Variants in ANKS1A observed in about 807,000 individuals in gnomAD.
The protein encoded by ANKS1A is ankyrin repeat and SAM domain-containing protein 1A.
In ANKS1A, 55 loss-of-function variants were observed where a neutral mutation model predicts 120.3. The observed-to-expected ratio is 0.46, with a 90% CI of 0.37 to 0.57. The LOEUF is 0.57. Among genes scored for constraint, ANKS1A ranks in the 20% least tolerant of loss-of-function variants. The pLI is 0.00. For missense variants in ANKS1A, 1,123 were observed against 1,480.3 expected (o/e 0.76, Z 3.96); for synonymous variants, 590 against 604.7 (o/e 0.98, Z 0.36).
intron 1 of ANKS1A, among the ~76,000 whole-genome samples, chr6:34,937,097 AGAG>A: frequency 6.6e-6 from 1 of 152,182 alleles, no homozygotes; most frequent in East Asian, 1.9e-4. Flanking sequence ...AGGGGAATTC[AGAG>A]GAGAGAAGAT....
chr6:34,970,154 A>G lies in ANKS1A; in HGVS notation c.423A>G (p.Arg141=), dbSNP rs549764196. Residue 141 remains arginine, a synonymous_variant, in exon 3 of 24, where the codon AGA becomes AGG. Coordinates refer to ENST00000360359, the MANE Select transcript of ANKS1A (RefSeq NM_015245.3). ...TCCATCAAGGGCCTTCACACACCAG[A>G]GTCAATGAACAGGTCGGAAGGAAGG... ...LLIHQGPSHT[R]VNEQNNDNET... 6.2e-7 allele frequency: 1 copy of G among 1,613,670 alleles called. No homozygotes were observed. Among genetic ancestry groups the G allele is most frequent in the Admixed American group, 1.7e-5 (1 of 59,974 alleles).
At chr6:35,079,710 T>C (rs1406135720) in intron 15 of ANKS1A, 42 bp downstream of exon 15, 2 of 1,613,518 alleles carry the variant, frequency 1.2e-6, no homozygotes, top group Admixed American at 1.7e-5. Flanking sequence ...TCTCCAGAAG[T>C]CTGAGCTTCC....
At chr6:34,951,785 A>G (rs1770104526) in intron 1 of ANKS1A, among the ~76,000 whole-genome samples, 1 of 152,210 alleles carries the variant, frequency 6.6e-6, no homozygotes, top group African/African-American at 2.4e-5. Flanking sequence ...AGACTTTGTC[A>G]GCTAATTGGA....
intron 1 of ANKS1A, among the ~76,000 whole-genome samples, chr6:34,946,181 G>A (rs1424550853): frequency 6.6e-6 from 1 of 151,778 alleles, no homozygotes; most frequent in East Asian, 2.0e-4. Context: ...GGGTTTCACT[G>A]TGTTGGCTGG....
At chr6:35,006,314 CAA>C (rs568475979) in intron 10 of ANKS1A, among the ~76,000 whole-genome samples, 5 of 115,134 alleles carry the variant, frequency 4.3e-5, no homozygotes, top group Admixed American at 8.8e-5. Flanking sequence ...GGCTCTGTCT[CAA>C]AAAAAAAAAA....
chr6:35,081,751 A>G (rs1237875972), intron 17 of ANKS1A, among the ~76,000 whole-genome samples: 1 of 152,144 alleles, frequency 6.6e-6, no homozygotes, highest in African/African-American at 2.4e-5. Flanking sequence ...GGCCCGTCTC[A>G]CACTCCTGGC....
intron 1 of ANKS1A, among the ~76,000 whole-genome samples, chr6:34,923,209 T>C (rs1476488441): frequency 2.6e-5 from 4 of 152,214 alleles, no homozygotes; most frequent in African/African-American, 9.7e-5. Context: ...TTATGTTCCA[T>C]TAAAGTGGGG....
chr6:35,031,834 T>G (rs146498501), intron 11 of ANKS1A, among the ~76,000 whole-genome samples: 2 of 152,340 alleles, frequency 1.3e-5, no homozygotes, highest in East Asian at 3.9e-4. Context: ...CCTCTATAAC[T>G]GGCCTTCTCT....
intron 10 of ANKS1A, among the ~76,000 whole-genome samples, chr6:35,007,468 G>C (rs1008977739): frequency 1.3e-5 from 2 of 152,222 alleles, no homozygotes; most frequent in African/African-American, 4.8e-5. Flanking sequence ...GCATAACCAA[G>C]AGCAGTGATT....
In ANKS1A at chr6:34,889,732, C is replaced by G; in HGVS notation, c.197+133C>G. 4.4e-6 allele frequency: 5 copies of G among 1,140,934 alleles called. No homozygotes were observed. Among genetic ancestry groups the G allele is most frequent in the Middle Eastern group, 3.5e-4 (1 of 2,826 alleles). 70.7% of individuals were successfully genotyped at this position (1,140,934 alleles called of 1,614,324 possible). A position where few individuals can be genotyped will look rare whatever the true frequency, so the allele number is the denominator to read the frequency against. On this transcript the variant is annotated intron_variant, in intron 1 of 23. Coordinates refer to ENST00000360359, the MANE Select transcript of ANKS1A (RefSeq NM_015245.3). The surrounding 1 kb of genome is among the most constrained non-coding windows in gnomAD (Gnocchi z 5.5). ...TGTGGCGTGCCCGGGGCGAGGCAGG[C>G]GGCCCGCGGGCCAGGGTACCGGAGG...
chr6:35,084,318 C>A lies in ANKS1A; in HGVS notation c.3132+60C>A. 1 of 1,594,274 alleles carries A rather than the reference C, an allele frequency of 6.3e-7. No homozygotes were observed. The highest frequency in any genetic ancestry group is 1.7e-5 in the Admixed American group (1 of 58,398). ...TGGGTTGCAGCCCTGAGGCGTCCAG[C>A]CCCATTGCAGGGCACAGATGCGGCG... On this transcript the variant is annotated intron_variant, in intron 21 of 23. Coordinates refer to ENST00000360359, the MANE Select transcript of ANKS1A (RefSeq NM_015245.3). The surrounding 1 kb of genome is among the most constrained non-coding windows in gnomAD (Gnocchi z 4.8).
chr6:35,093,415 CT>C (rs748583926), downstream of ANKS1A, among the ~76,000 whole-genome samples: 2 of 151,774 alleles, frequency 1.3e-5, no homozygotes, highest in South Asian at 2.1e-4. Flanking sequence ...AAATGGGAGG[CT>C]TTTTTTTAAT....
chr6:35,003,816 A>T (rs1176556191), intron 10 of ANKS1A, among the ~76,000 whole-genome samples: 1 of 152,202 alleles, frequency 6.6e-6, no homozygotes, highest in Non-Finnish European at 1.5e-5. Flanking sequence ...AGTCTCAAAG[A>T]GGGGAAATGA....
chr6:34,981,605 T>C, intron 3 of ANKS1A, 85 bp from the exon 4 acceptor site: 1 of 1,439,388 alleles, frequency 6.9e-7, no homozygotes, highest in Non-Finnish European at 9.5e-7. Context: ...TCATTTAAAC[T>C]TCAGTGGTTT....
In ANKS1A at chr6:34,889,457, G is replaced by A. The variant is rs1303719698; in HGVS notation, c.55G>A (p.Val19Met). The stretch of plus-strand genomic sequence containing the variant: ...GGCCCGCACCGGGCACCTCCCGGCG[G>A]TGGAGAAGCTGCTGTCCGGGAAGCG... ...EAARTGHLPAVEKLLSGKRLS... is the reference protein window; with the variant it reads ...EAARTGHLPAMEKLLSGKRLS... Residue 19 changes from valine to methionine, a missense_variant, in exon 1 of 24, where the codon GTG (valine) becomes ATG (methionine). Val to Met is a conservative substitution (Grantham distance 21). Around this residue, in one of 3 missense-constraint regions of ANKS1A, gnomAD observed 73 missense variants for 82.2 expected, o/e 0.89. Coordinates refer to ENST00000360359, the MANE Select transcript of ANKS1A (RefSeq NM_015245.3). The surrounding 1 kb of genome is among the most constrained non-coding windows in gnomAD (Gnocchi z 5.5). 1 of 1,289,812 alleles carries A rather than the reference G, an allele frequency of 7.8e-7. No individual in the cohort carries two copies. The highest frequency in any genetic ancestry group is 9.8e-7 in the Non-Finnish European group (1 of 1,023,020). 79.9% of individuals were successfully genotyped at this position (1,289,812 alleles called of 1,614,324 possible).
At chr6:35,019,509 G>A (rs995621588) in intron 11 of ANKS1A, among the ~76,000 whole-genome samples, 2 of 152,152 alleles carry the variant, frequency 1.3e-5, no homozygotes, top group Non-Finnish European at 2.9e-5. Context: ...AGAGACAGAG[G>A]AATCCTGTGC....
At chr6:34,925,450 C>T (rs1374907425) in intron 1 of ANKS1A, among the ~76,000 whole-genome samples, 2 of 152,182 alleles carry the variant, frequency 1.3e-5, no homozygotes, top group Non-Finnish European at 2.9e-5. Context: ...CTTCAATGCT[C>T]TGTACGTGAG....
intron 3 of ANKS1A, 76 bp from the exon 4 acceptor site, chr6:34,981,614 T>C: frequency 6.6e-7 from 1 of 1,503,790 alleles, no homozygotes; most frequent in African/African-American, 1.4e-5. Context: ...CTTCAGTGGT[T>C]TTACGAGTGG....
At chr6:34,957,210 T>A (rs939832018) in intron 1 of ANKS1A, among the ~76,000 whole-genome samples, 1 of 152,256 alleles carries the variant, frequency 6.6e-6, no homozygotes, top group Non-Finnish European at 1.5e-5. Context: ...TAAAAGTACA[T>A]GCTCAGTTTG....
Sources: allele counts gnomAD v4.1 joint callset (sites outside exome capture counted in the v4.1 genomes callset), GRCh38; gene constraint gnomAD v4.1.1; regional missense constraint gnomAD v4.1.1; non-coding constraint Gnocchi (gnomAD v3.1); transcripts MANE v1.5; gene names NCBI Gene and HGNC (gene_info 2026-07-23, HGNC 2026-07-21).